TENM2: variants seen among roughly 807,000 people sequenced by gnomAD.
TENM2 encodes teneurin transmembrane protein 2, also known as teneurin-2.
In TENM2, 52 loss-of-function variants were observed where a neutral mutation model predicts 245.2. The observed-to-expected ratio is 0.21, with a 90% CI of 0.17 to 0.27. TENM2 has a LOEUF of 0.27. TENM2 is among the 10% of genes least tolerant of loss of function. TENM2 has a pLI of 1.00. For missense variants in TENM2, 3,046 were observed against 3,666.8 expected (o/e 0.83, Z 4.37); for synonymous variants, 1,363 against 1,438.9 (o/e 0.95, Z 1.19).
intron 2 of TENM2, chr5:167,653,139 C>A (rs1754589911): frequency 1.3e-5 from 2 of 151,994 alleles, no homozygotes; most frequent in South Asian, 2.1e-4. Context: ...GAAGAGAGAC[C>A]AAACACGCAC....
chr5:167,215,352 C>T, the TENM2 span, among the ~76,000 whole-genome samples: 1 of 152,232 alleles, frequency 6.6e-6, no homozygotes, highest in Non-Finnish European at 1.5e-5. Context: ...CTCTAACGTG[C>T]GGGCAAAATT....
the TENM2 span, among the ~76,000 whole-genome samples, chr5:166,990,991 AAAAG>A: frequency 2.0e-5 from 3 of 152,150 alleles, no homozygotes; most frequent in South Asian, 2.1e-4. Context: ...ATGAAGTTAA[AAAAG>A]AAAGAAAGCA....
At chr5:167,563,589 G>T (rs1308999257) in intron 2 of TENM2, among the ~76,000 whole-genome samples, 1 of 152,100 alleles carries the variant, frequency 6.6e-6, no homozygotes, top group Admixed American at 6.5e-5. Context: ...CTAACCAGAA[G>T]TATTAATTTT....
chr5:167,744,634 G>C (rs947139097), intron 2 of TENM2, among the ~76,000 whole-genome samples: 1 of 151,992 alleles, frequency 6.6e-6, no homozygotes, highest in African/African-American at 2.4e-5. Flanking sequence ...ATTTTATATC[G>C]TTCCTTCCAC....
At chr5:168,235,841 G>C (rs1248811854) in intron 25 of TENM2, among the ~76,000 whole-genome samples, 1 of 151,784 alleles carries the variant, frequency 6.6e-6, no homozygotes, top group East Asian at 1.9e-4. Context: ...TGGGTGCTTT[G>C]GGAAAAATGT....
the TENM2 span, among the ~76,000 whole-genome samples, chr5:167,238,995 C>T: frequency 9.2e-5 from 14 of 152,170 alleles, 1 homozygote; most frequent in Non-Finnish European, 2.1e-4. Context: ...TATTTGCATA[C>T]TTGGTTCGTA....
intron 2 of TENM2, among the ~76,000 whole-genome samples, chr5:167,673,837 T>C (rs1317909307): frequency 2.6e-5 from 4 of 152,080 alleles, no homozygotes; most frequent in Non-Finnish European, 5.9e-5. Flanking sequence ...CTGCAGGCAC[T>C]TGACAACTAA....
chr5:167,679,077 A>G (rs1756529580), intron 2 of TENM2, among the ~76,000 whole-genome samples: 1 of 152,146 alleles, frequency 6.6e-6, no homozygotes, highest in Non-Finnish European at 1.5e-5. Flanking sequence ...TAATCACATT[A>G]TGAGCTCTAA....
At chr5:168,157,801 G>GAAT (rs1757315461) in intron 12 of TENM2, among the ~76,000 whole-genome samples, 1 of 152,166 alleles carries the variant, frequency 6.6e-6, no homozygotes. Context: ...TACAGGTGGG[G>GAAT]AATAGATGGC....
chr5:167,195,702 A>G, the TENM2 span, among the ~76,000 whole-genome samples: 2 of 152,032 alleles, frequency 1.3e-5, no homozygotes, highest in Admixed American at 1.3e-4. Flanking sequence ...TATCATTATT[A>G]TCACTTTATA....
At chr5:167,332,210 C>T (rs938704718) in intron 1 of TENM2, among the ~76,000 whole-genome samples, 3 of 152,176 alleles carry the variant, frequency 2.0e-5, no homozygotes, top group Non-Finnish European at 2.9e-5. Context: ...CATTCACTTT[C>T]GTGGCCTCGG....
intron 19 of TENM2, 45 bp downstream of exon 21, chr5:168,204,666 A>G (rs769127116): frequency 9.4e-6 from 15 of 1,598,354 alleles, no homozygotes; most frequent in Non-Finnish European, 1.3e-5. Context: ...CTTGCCCCCC[A>G]TAACTCCTGA....
At chr5:167,823,988 G>A (rs376774226) in intron 2 of TENM2, among the ~76,000 whole-genome samples, 2 of 152,026 alleles carry the variant, frequency 1.3e-5, no homozygotes, top group Non-Finnish European at 2.9e-5. Context: ...ATTCAGAACG[G>A]TGTGACCCAC....
At chr5:167,171,480 G>A in the TENM2 span, among the ~76,000 whole-genome samples, 1 of 152,288 alleles carries the variant, frequency 6.6e-6, no homozygotes, top group African/African-American at 2.4e-5. Flanking sequence ...GTTAACAAAA[G>A]AAATACATAT....
intron 27 of TENM2, among the ~76,000 whole-genome samples, chr5:168,257,962 T>C (rs891576894): frequency 2.0e-5 from 3 of 152,072 alleles, no homozygotes; most frequent in East Asian, 1.9e-4. Flanking sequence ...ATAAGGAATG[T>C]GGGGTGCAGA....
the TENM2 span, among the ~76,000 whole-genome samples, chr5:167,221,234 C>A: frequency 6.6e-6 from 1 of 152,036 alleles, no homozygotes; most frequent in Non-Finnish European, 1.5e-5. Context: ...ATTGGAAGGG[C>A]AAATGTGGAA....
chr5:167,786,201 C>T (rs1764568373), intron 2 of TENM2, among the ~76,000 whole-genome samples: 1 of 152,156 alleles, frequency 6.6e-6, no homozygotes, highest in African/African-American at 2.4e-5. Flanking sequence ...CAAGCCTCTG[C>T]AGAATGCTAT....
intron 17 of TENM2, among the ~76,000 whole-genome samples, chr5:168,200,361 GAAAAT>G (rs1761829057): frequency 6.6e-6 from 1 of 152,172 alleles, no homozygotes; most frequent in South Asian, 2.1e-4. Flanking sequence ...GTGCTAATAA[GAAAAT>G]AAAAGTAAAT....
At chr5:167,940,299 A>G (rs1779071251) in intron 3 of TENM2, among the ~76,000 whole-genome samples, 1 of 152,100 alleles carries the variant, frequency 6.6e-6, no homozygotes, top group Admixed American at 6.5e-5. Context: ...TTGTTCAACA[A>G]CCGTCTATTG....
Sources: gnomAD v4.1 joint callset for allele counts (sites outside exome capture counted in the v4.1 genomes callset) on GRCh38, gnomAD v4.1.1 for gene constraint, MANE v1.5 for transcripts, NCBI Gene and HGNC (gene_info 2026-07-23, HGNC 2026-07-21) for gene names.